The following NKAPD1 variants were observed in gnomAD, a reference collection of about 807,000 sequenced individuals.
NKAPD1 encodes uncharacterized protein NKAPD1.
NKAPD1 carries 12 observed loss-of-function variants against 30.9 expected under a neutral mutation model. The ratio of observed to expected loss-of-function variants is 0.39; its 90% CI spans 0.25 to 0.63. NKAPD1 has a LOEUF of 0.63. Ranked by LOEUF, NKAPD1 falls within the 20% of genes least tolerant of loss-of-function variation. NKAPD1 has a pLI of 0.51. For synonymous variants in NKAPD1, 91 were observed against 113.6 expected (o/e 0.80, Z 1.26); for missense variants, 311 against 344.5 (o/e 0.90, Z 0.77).
Position 112,075,622 on chromosome 11 carries a change from G to T in NKAPD1, c.48G>T (p.Arg16=). The stretch of plus-strand genomic sequence containing the variant: ...AGGTCCTCCTGAGGAATGTCATCCG[G>T]CACACAGATGCTCACAATAAGGTGG... ...LGKVLLRNVI[R]HTDAHNKIQE... is the part of the protein sequence containing the mutation. The change falls in exon 2 of 6, where the codon CGG becomes CGT. Residue 16 remains arginine (R), a synonymous_variant. Coordinates refer to ENST00000393047, the MANE Select transcript of NKAPD1 (RefSeq NM_018195.4). 1.2e-6 allele frequency: 2 copies of T among 1,606,938 alleles called. No homozygotes were observed. Among genetic ancestry groups the T allele is most frequent in the Middle Eastern group, 3.3e-4 (2 of 6,048 alleles).
rs182901055 is a variant in NKAPD1 at position 112,082,384 on chromosome 11, T to C, written c.375-81T>C. ...TAAAATTCAGATGTTAACCTCAATT[T>C]TTTAATCTAGAATGCAAAATATTAA... On this transcript the variant is annotated intron_variant, in intron 5 of 5. Coordinates refer to ENST00000393047, the MANE Select transcript of NKAPD1 (RefSeq NM_018195.4). 1.3e-4 allele frequency: 159 copies of C among 1,256,326 alleles called. 1 individual carries two copies. In the East Asian group the frequency reaches 2.4e-3, roughly 19 times the overall value. The allele number at this position is 1,256,326 out of a possible 1,614,324, so 77.8% of individuals were successfully genotyped here.
chr11:112,079,139 C>A (rs1469424356), intron 3 of NKAPD1, among the ~76,000 whole-genome samples: 3 of 108,552 alleles, frequency 2.8e-5, no homozygotes, highest in Admixed American at 2.7e-4. Context: ...GAGGCCCTTA[C>A]AATTTTTTTT....
At chr11:112,077,910 A>G (rs1033634403) in intron 2 of NKAPD1, among the ~76,000 whole-genome samples, 14 of 151,646 alleles carry the variant, frequency 9.2e-5, no homozygotes, top group African/African-American at 3.1e-4. Context: ...CAGTGGTGCA[A>G]TCTCGGCTCA....
rs1480233860 is a variant in NKAPD1 at position 112,074,556 on chromosome 11, A to G, written c.-369A>G. ...GCCCAACCGAAGGCCGTAGCCATCC[A>G]AAGCGTTCCCAGCCTTTCTGGGGAG... On this transcript the variant is annotated 5_prime_UTR_variant, in exon 1 of 6. Transcript: ENST00000393047. The G allele has an allele frequency of 5.0e-6, 2 of 398,998 alleles. No individual in the cohort carries two copies. Among genetic ancestry groups the G allele is most frequent in the Admixed American group, 4.4e-5 (1 of 22,744 alleles). 24.7% of individuals were successfully genotyped at this position (398,998 alleles called of 1,614,324 possible).
In NKAPD1 at chr11:112,079,878, C is replaced by T. The variant is rs539744281; in HGVS notation, c.171-531C>T. On this transcript the variant is annotated intron_variant, in intron 3 of 5. Transcript: ENST00000393047. The stretch of plus-strand genomic sequence containing the variant: ...CCAGGCTGGAGTACAATGGCATGAT[C>T]TGGGCTCACTGCAACCTCTGCCTCC... 4.0e-5 allele frequency among the ~76,000 whole-genome samples: 6 copies of T among 151,490 alleles called. No homozygotes were observed. In the South Asian group the frequency reaches 1.2e-3, roughly 32 times the overall value.
intron 4 of NKAPD1, chr11:112,081,751 A>G (rs1461954703): frequency 4.3e-6 from 2 of 469,914 alleles, no homozygotes; most frequent in Admixed American, 4.0e-5. Context: ...TAAGGAAAGC[A>G]ATGGCAAGTT....
Position 112,083,261 on chromosome 11 carries a change from G to A in NKAPD1, c.*289G>A. On this transcript the variant is annotated 3_prime_UTR_variant, in exon 6 of 6. Coordinates refer to ENST00000393047, the MANE Select transcript of NKAPD1 (RefSeq NM_018195.4). Reference sequence around the variant, plus strand: ...CATATACAGCAAATTAAAGGACCCAGAAAGCTGGATCCAATAGTGACCTGG... The same window carrying A: ...CATATACAGCAAATTAAAGGACCCAAAAAGCTGGATCCAATAGTGACCTGG... The A allele has an allele frequency of 4.3e-6, 1 of 230,278 alleles. No homozygotes were observed. The highest frequency in any genetic ancestry group is 8.5e-6 in the Non-Finnish European group (1 of 117,426). The allele number at this position is 230,278 out of a possible 1,614,324, so 14.3% of individuals were successfully genotyped here. A position where few individuals can be genotyped will look rare whatever the true frequency, so the allele number is the denominator to read the frequency against.
rs1865519124 is a variant in NKAPD1, at chr11:112,083,930, G to C, written c.*958G>C. 1 of 152,518 alleles carries C rather than the reference G, an allele frequency of 6.6e-6. No individual in the cohort carries two copies. The highest frequency in any genetic ancestry group is 1.5e-5 in the Non-Finnish European group (1 of 68,022). 9.4% of individuals were successfully genotyped at this position (152,518 alleles called of 1,614,324 possible). A position where few individuals can be genotyped will look rare whatever the true frequency, so the allele number is the denominator to read the frequency against. ...TCCACTTCTTCCCAGTCTGCCTTTG[G>C]ATTAAAGCACCAAGCAGAGACCACA... On this transcript the variant is annotated 3_prime_UTR_variant, in exon 6 of 6. Transcript: ENST00000393047.
At chr11:112,080,631 CA>C in intron 4 of NKAPD1, 73 bp downstream of exon 4, 2 of 1,526,984 alleles carry the variant, frequency 1.3e-6, no homozygotes, top group Non-Finnish European at 8.8e-7. Flanking sequence ...ATTGTCCCCA[CA>C]AAAAACTTGT....
chr11:112,082,238 A>G (rs1865469054), intron 5 of NKAPD1: 1 of 687,334 alleles, frequency 1.5e-6, no homozygotes. Flanking sequence ...GTTTTTATAT[A>G]TAGTATTCCA....
chr11:112,080,719 GA>G, intron 4 of NKAPD1, 161 bp downstream of exon 4: 1 of 701,528 alleles, frequency 1.4e-6, no homozygotes, highest in Non-Finnish European at 2.3e-6. Flanking sequence ...TCTGTCAACT[GA>G]TGAATGGGTA....
At position 112,074,566 on chromosome 11, in the gene NKAPD1, C is replaced by T. The variant is rs1286169129; in HGVS notation, c.-359C>T. The stretch of plus-strand genomic sequence containing the variant: ...AGGCCGTAGCCATCCAAAGCGTTCC[C>T]AGCCTTTCTGGGGAGTGAAACTTAC... On this transcript the variant is annotated 5_prime_UTR_variant, in exon 1 of 6. Coordinates refer to ENST00000393047, the MANE Select transcript of NKAPD1 (RefSeq NM_018195.4). 3 of 398,734 alleles carry T rather than the reference C, an allele frequency of 7.5e-6. No individual in the cohort carries two copies. The highest frequency in any genetic ancestry group is 7.1e-5 in the East Asian group (2 of 28,092). The allele number at this position is 398,734 out of a possible 1,614,324, so 24.7% of individuals were successfully genotyped here.
intron 5 of NKAPD1, 138 bp from the exon 6 acceptor site, chr11:112,082,327 A>T: frequency 1.3e-6 from 1 of 792,490 alleles, no homozygotes; most frequent in Non-Finnish European, 1.9e-6. Context: ...TGAGAATATT[A>T]AAGTGTTAAA....
chr11:112,076,222 T>C (rs1865328165), intron 2 of NKAPD1, among the ~76,000 whole-genome samples: 1 of 151,968 alleles, frequency 6.6e-6, no homozygotes, highest in Admixed American at 6.6e-5. Flanking sequence ...ATCATAGTTA[T>C]ATTTTAGAAA....
At position 112,078,360 on chromosome 11, in the gene NKAPD1, A is replaced by G. The variant is rs1865376327; in HGVS notation, c.170+45A>G. On this transcript the variant is annotated intron_variant, in intron 3 of 5. Coordinates refer to ENST00000393047, the MANE Select transcript of NKAPD1 (RefSeq NM_018195.4). ...AACTAAAATAATTCTCATCTTTTTC[A>G]GAATCATCAACTTTTGTTTAAAAAT... 5 of 1,431,386 alleles carry G rather than the reference A, an allele frequency of 3.5e-6. No homozygotes were observed. The African/African-American group carries it at 5.7e-5, about 16-fold the overall frequency. 88.7% of individuals were successfully genotyped at this position (1,431,386 alleles called of 1,614,324 possible). A position where few individuals can be genotyped will look rare whatever the true frequency, so the allele number is the denominator to read the frequency against.
chr11:112,083,053 C>A lies in NKAPD1; in HGVS notation c.*81C>A. The A allele has an allele frequency of 6.9e-7, 1 of 1,449,452 alleles. No homozygotes were observed. 89.8% of individuals were successfully genotyped at this position (1,449,452 alleles called of 1,614,324 possible). A position where few individuals can be genotyped will look rare whatever the true frequency, so the allele number is the denominator to read the frequency against. Reference sequence around the variant, plus strand: ...TGTGGTTTTGCCAGTGACTCTTGTTCAGCACGGGGCCTGAGGTCAGAGCTG... The same window carrying A: ...TGTGGTTTTGCCAGTGACTCTTGTTAAGCACGGGGCCTGAGGTCAGAGCTG... On this transcript the variant is annotated 3_prime_UTR_variant, in exon 6 of 6. Coordinates refer to ENST00000393047, the MANE Select transcript of NKAPD1 (RefSeq NM_018195.4).
rs1865539069 is a variant in NKAPD1, at chr11:112,084,687, A to C, written c.*1715A>C. The C allele has an allele frequency of 6.6e-6, 1 of 152,558 alleles. No homozygotes were observed. The highest frequency in any genetic ancestry group is 1.5e-5 in the Non-Finnish European group (1 of 68,044). 9.5% of individuals were successfully genotyped at this position (152,558 alleles called of 1,614,324 possible). On this transcript the variant is annotated 3_prime_UTR_variant, in exon 6 of 6. Coordinates refer to ENST00000393047, the MANE Select transcript of NKAPD1 (RefSeq NM_018195.4). ...AAAGGTTTTAAGCACAGACTCAGGA[A>C]AATGTGCCAGTAGAACAGGCCATCT...
rs944090397 is a variant in NKAPD1, at chr11:112,083,651, T to A, written c.*679T>A. On this transcript the variant is annotated 3_prime_UTR_variant, in exon 6 of 6. Coordinates refer to ENST00000393047, the MANE Select transcript of NKAPD1 (RefSeq NM_018195.4). ...CATGGTAATTGGATAGTAAATGGTTTTCTAGTTCCATTGCTGTATATTTGC... is the reference window on the plus strand; with the variant it reads ...CATGGTAATTGGATAGTAAATGGTTATCTAGTTCCATTGCTGTATATTTGC... 1.3e-5 allele frequency: 2 copies of A among 152,648 alleles called. No homozygotes were observed. The highest frequency in any genetic ancestry group is 4.8e-5 in the African/African-American group (2 of 41,452). The allele number at this position is 152,648 out of a possible 1,614,324, so 9.5% of individuals were successfully genotyped here. A position where few individuals can be genotyped will look rare whatever the true frequency, so the allele number is the denominator to read the frequency against.
At chr11:112,078,404 T>C in intron 3 of NKAPD1, 89 bp downstream of exon 3, 2 of 1,038,692 alleles carry the variant, frequency 1.9e-6, no homozygotes, top group Non-Finnish European at 2.9e-6. Context: ...ATATTAAGGA[T>C]AAATTCAGTT....
Sources: allele counts gnomAD v4.1 joint callset (sites outside exome capture counted in the v4.1 genomes callset), GRCh38; gene constraint gnomAD v4.1.1; transcripts MANE v1.5; gene names NCBI Gene and HGNC (gene_info 2026-07-23, HGNC 2026-07-21).